Variants in PRKG1 observed in about 807,000 individuals in gnomAD.
The protein encoded by PRKG1 is cGMP-dependent protein kinase 1.
A neutral mutation model predicts 88.1 loss-of-function variants in PRKG1; 35 were observed. That is an observed-to-expected ratio of 0.40 (90% CI 0.30 to 0.53). The LOEUF (loss-of-function observed/expected upper bound fraction) is 0.53. Among genes scored for constraint, PRKG1 ranks in the 20% least tolerant of loss-of-function variants. The probability of loss-of-function intolerance (pLI) is 0.59; values close to 1 mark genes in which losing one functional copy is unlikely to be tolerated. For synonymous variants in PRKG1, 303 were observed against 292.5 expected, an observed-to-expected ratio of 1.04 and a Z score of -0.37; for missense variants, 540 against 839.8, an observed-to-expected ratio of 0.64 and a Z score of 4.41.
At chr10:51,700,700 A>G (rs1841443437) in intron 3 of PRKG1, among the ~76,000 whole-genome samples, 1 of 152,192 alleles carries the variant, frequency 6.6e-6, no homozygotes. Context: ...CATAGCTCCA[A>G]TTCTACACTG....
intron 5 of PRKG1, among the ~76,000 whole-genome samples, chr10:52,005,251 C>CTTTTTT (rs10595402): frequency 3.4e-5 from 4 of 117,760 alleles, no homozygotes; most frequent in Admixed American, 1.8e-4. Flanking sequence ...TAATGCCCAT[C>CTTTTTT]TTTTTTTTTT....
chr10:51,786,664 T>C (rs1470088867), intron 3 of PRKG1, among the ~76,000 whole-genome samples: 1 of 152,130 alleles, frequency 6.6e-6, no homozygotes, highest in Non-Finnish European at 1.5e-5. Flanking sequence ...ATTGCAAACT[T>C]TTAGAAGAGG....
chr10:51,701,999 T>C (rs1841480977), intron 3 of PRKG1, among the ~76,000 whole-genome samples: 1 of 152,170 alleles, frequency 6.6e-6, no homozygotes, highest in Non-Finnish European at 1.5e-5. Flanking sequence ...TAGGGATTGG[T>C]AGTAGATTTT....
At position 51,630,241 on chromosome 10, in the gene PRKG1, C is replaced by A. The variant is rs1000725093; in HGVS notation, c.592+162405C>A. ...GAAGGCATGTGTGCTGTGTGTCCATCTCCTCTCAGAGCTGCACAAACAGAC... is the reference window on the plus strand; with the variant it reads ...GAAGGCATGTGTGCTGTGTGTCCATATCCTCTCAGAGCTGCACAAACAGAC... On this transcript the variant is annotated intron_variant, in intron 3 of 17. Transcript: ENST00000373980. 2.6e-5 allele frequency among the ~76,000 whole-genome samples: 4 copies of A among 152,182 alleles called. No homozygotes were observed. In the East Asian group the frequency reaches 5.8e-4, roughly 22 times the overall value.
intron 8 of PRKG1, among the ~76,000 whole-genome samples, chr10:52,146,170 TTC>T (rs767004318): frequency 6.6e-5 from 10 of 152,202 alleles, no homozygotes; most frequent in Admixed American, 4.6e-4. Context: ...ACTTTAAATC[TTC>T]TCTCTTTTTT....
intron 9 of PRKG1, among the ~76,000 whole-genome samples, chr10:52,226,408 A>G (rs1840390057): frequency 6.6e-6 from 1 of 152,202 alleles, no homozygotes; most frequent in Non-Finnish European, 1.5e-5. Context: ...TGTCCCTCAC[A>G]GCAGGATTAT....
intron 2 of PRKG1, among the ~76,000 whole-genome samples, chr10:51,168,452 T>C (rs567272979): frequency 6.6e-6 from 1 of 152,282 alleles, no homozygotes; most frequent in South Asian, 2.1e-4. Flanking sequence ...TTATTATTAT[T>C]TTTAAGTGAA....
intron 3 of PRKG1, among the ~76,000 whole-genome samples, chr10:51,510,743 TA>T (rs1317212821): frequency 1.4e-5 from 2 of 139,388 alleles, no homozygotes; most frequent in East Asian, 3.3e-4. Context: ...TGCATTGTAC[TA>T]TTTTTTTTTT....
intron 1 of PRKG1, among the ~76,000 whole-genome samples, chr10:51,019,154 T>C (rs1330656716): frequency 1.3e-5 from 2 of 152,144 alleles, no homozygotes; most frequent in African/African-American, 4.8e-5. Context: ...ACGGTCTGCT[T>C]TTTAGTGGAA....
At chr10:51,412,382 C>T (rs1015516325) in intron 2 of PRKG1, among the ~76,000 whole-genome samples, 11 of 152,088 alleles carry the variant, frequency 7.2e-5, no homozygotes, top group African/African-American at 2.7e-4. Flanking sequence ...TAGTGTCTCA[C>T]GCCTGGAATC....
At chr10:51,526,548 C>T (rs1353253464) in intron 3 of PRKG1, among the ~76,000 whole-genome samples, 4 of 152,172 alleles carry the variant, frequency 2.6e-5, no homozygotes, top group African/African-American at 9.6e-5. Flanking sequence ...TAATCTCCTA[C>T]TCTGAGGTAA....
At chr10:52,016,860 A>C (rs1845053709) in intron 5 of PRKG1, among the ~76,000 whole-genome samples, 2 of 152,204 alleles carry the variant, frequency 1.3e-5, no homozygotes, top group Non-Finnish European at 2.9e-5. Flanking sequence ...TACAGAACAA[A>C]GAGATGAAGA....
chr10:52,037,001 G>A (rs1327892101), intron 5 of PRKG1, among the ~76,000 whole-genome samples: 4 of 152,284 alleles, frequency 2.6e-5, no homozygotes, highest in Admixed American at 6.5e-5. Context: ...GGTCTAGGGG[G>A]CTTCCGAGGC....
chr10:51,699,783 T>A (rs1203135134), intron 3 of PRKG1, among the ~76,000 whole-genome samples: 1 of 152,228 alleles, frequency 6.6e-6, no homozygotes, highest in Admixed American at 6.5e-5. Context: ...AGTCGCATGA[T>A]TCCTTTCCCA....
chr10:51,824,300 A>T (rs1358386539), intron 4 of PRKG1, among the ~76,000 whole-genome samples: 1 of 152,190 alleles, frequency 6.6e-6, no homozygotes, highest in Non-Finnish European at 1.5e-5. Context: ...CCACATTTCC[A>T]TTATTGCCTG....
chr10:51,055,837 C>A (rs12247631), intron 1 of PRKG1, among the ~76,000 whole-genome samples: 13,638 of 152,198 alleles, frequency 0.09, 1,979 homozygotes, highest in African/African-American at 0.3. Context: ...GCTCTCCTCT[C>A]TCTCCATCCC....
At chr10:52,179,791 C>T (rs189436916) in intron 9 of PRKG1, among the ~76,000 whole-genome samples, 1 of 152,304 alleles carries the variant, frequency 6.6e-6, no homozygotes, top group East Asian at 1.9e-4. Context: ...TGGGTTCAAG[C>T]AATTATCCTG....
At chr10:51,629,244 CT>C (rs1292225346) in intron 3 of PRKG1, among the ~76,000 whole-genome samples, 1 of 152,014 alleles carries the variant, frequency 6.6e-6, no homozygotes, top group Non-Finnish European at 1.5e-5. Flanking sequence ...GTTCCCCAAC[CT>C]TTTTGGCACC....
At chr10:51,480,826 A>G (rs1026963766) in intron 3 of PRKG1, among the ~76,000 whole-genome samples, 25 of 152,152 alleles carry the variant, frequency 1.6e-4, no homozygotes, top group African/African-American at 5.1e-4. Context: ...GATGTAATGG[A>G]CAGTCAAAAA....
Sources: gnomAD v4.1 joint callset for allele counts (sites outside exome capture counted in the v4.1 genomes callset) on GRCh38, gnomAD v4.1.1 for gene constraint, MANE v1.5 for transcripts, NCBI Gene and HGNC (gene_info 2026-07-23, HGNC 2026-07-21) for gene names.